Variants in ADAMTS9 observed in about 807,000 individuals in gnomAD.
ADAMTS9 encodes the protein A disintegrin and metalloproteinase with thrombospondin motifs 9.
ADAMTS9 carries 107 observed loss-of-function variants against 257.1 expected under a neutral mutation model. The observed-to-expected ratio is 0.42, with a 90% CI of 0.36 to 0.49. The LOEUF is 0.49. Ranked by LOEUF, ADAMTS9 falls within the 20% of genes least tolerant of loss-of-function variation. The pLI is 0.03. For missense variants in ADAMTS9, 2,353 were observed against 2,469.1 expected, an observed-to-expected ratio of 0.95 and a Z score of 1.00; for synonymous variants, 982 against 880.9, an observed-to-expected ratio of 1.11 and a Z score of -2.03.
Position 64,661,040 on chromosome 3 carries a change from C to T in ADAMTS9, c.680-2249G>A, listed in dbSNP as rs557311351. ...CAGAAACTTTCTGGCTGATGGCAAT[C>T]AGATTGGTACTATGTGTGGTTTTAG... On this transcript the variant is annotated intron_variant, in intron 3 of 39. Transcript: ENST00000498707. Among the ~76,000 whole-genome samples, 8 of 152,274 alleles carry T rather than the reference C, an allele frequency of 5.3e-5. No homozygotes were observed. The South Asian group carries it at 1.7e-3, about 32-fold the overall frequency.
intron 12 of ADAMTS9, among the ~76,000 whole-genome samples, chr3:64,638,427 C>A (rs987026641): frequency 6.6e-6 from 1 of 152,124 alleles, no homozygotes; most frequent in Non-Finnish European, 1.5e-5. Context: ...TACTCTATTA[C>A]ACACGTCTTA....
Position 64,574,038 on chromosome 3 carries a change from T to C in ADAMTS9, c.4357-5503A>G, listed in dbSNP as rs2083766886. On this transcript the variant is annotated intron_variant, in intron 28 of 39. Coordinates refer to ENST00000498707, the MANE Select transcript of ADAMTS9 (RefSeq NM_182920.2). ...ATATTTATGGAAATGAATGAACATA[T>C]GAAAACTATAGCCATCACAGAGGTG... Among the ~76,000 whole-genome samples, 7 of 152,208 alleles carry C rather than the reference T, an allele frequency of 4.6e-5. No homozygotes were observed. In the South Asian group the frequency reaches 1.4e-3, roughly 31 times the overall value.
Position 64,529,899 on chromosome 3 carries a change from G to A in ADAMTS9, c.5718+3267C>T, listed in dbSNP as rs145315135. The stretch of plus-strand genomic sequence containing the variant: ...AGTGGTACAATAATGGCTCATTGCA[G>A]CCTTGACCACCCAGGCTCATCCTCA... On this transcript the variant is annotated intron_variant, in intron 38 of 39. Coordinates refer to ENST00000498707, the MANE Select transcript of ADAMTS9 (RefSeq NM_182920.2). Among the ~76,000 whole-genome samples, 264 of 151,876 alleles carry A rather than the reference G, an allele frequency of 1.7e-3. 1 individual carries two copies. The highest frequency in any genetic ancestry group is 6.1e-3 in the African/African-American group (251 of 41,388).
intron 30 of ADAMTS9, among the ~76,000 whole-genome samples, chr3:64,555,826 G>A (rs2083326135): frequency 6.6e-6 from 1 of 152,108 alleles, no homozygotes. Flanking sequence ...GGAGAAGCGG[G>A]GGAGCAGAAT....
intron 9 of ADAMTS9, 105 bp downstream of exon 9, chr3:64,650,912 T>C (rs1700915956): frequency 2.1e-6 from 2 of 974,918 alleles, no homozygotes; most frequent in Non-Finnish European, 1.4e-6. Flanking sequence ...TCAACAAAAA[T>C]AACTCAAAAG....
At chr3:64,542,134 G>A (rs1038094467) in intron 32 of ADAMTS9, among the ~76,000 whole-genome samples, 164 bp from the exon 33 acceptor site, 1 of 152,068 alleles carries the variant, frequency 6.6e-6, no homozygotes, top group Non-Finnish European at 1.5e-5. Context: ...CTTACTATGG[G>A]CCAGTCCCTG....
chr3:64,609,176 T>C (rs1160544801), intron 22 of ADAMTS9, among the ~76,000 whole-genome samples: 3 of 152,062 alleles, frequency 2.0e-5, no homozygotes, highest in Admixed American at 6.6e-5. Context: ...TACTCAATAG[T>C]AGAAGAGTAA....
intron 16 of ADAMTS9, among the ~76,000 whole-genome samples, chr3:64,628,407 C>G (rs1700280322): frequency 6.6e-6 from 1 of 152,136 alleles, no homozygotes; most frequent in Non-Finnish European, 1.5e-5. Context: ...AGGAGCAACT[C>G]AACATGGCCT....
At position 64,686,630 on chromosome 3, in the gene ADAMTS9, A is replaced by T; in HGVS notation, c.454T>A (p.Tyr152Asn). The change falls in exon 2 of 40, where the codon TAC (tyrosine) becomes AAC (asparagine). Residue 152 changes from tyrosine to asparagine, a missense_variant. This residue lies in a region of ADAMTS9 where 591 missense variants were observed against 569.6 expected (regional missense o/e 1.04). Coordinates refer to ENST00000498707, the MANE Select transcript of ADAMTS9 (RefSeq NM_182920.2). The surrounding 1 kb of genome is among the most constrained non-coding windows in gnomAD (Gnocchi z 4.6). ...EEEAELKHCF[Y>N]KGYVNTNSEH... The stretch of plus-strand genomic sequence containing the variant: ...GAGTTGGTATTGACATAGCCTTTGT[A>T]GAAACAGTGCTTGAGTTCCGCTTCC... 1.2e-6 allele frequency: 2 copies of T among 1,614,076 alleles called. No homozygotes were observed. The highest frequency in any genetic ancestry group is 1.7e-6 in the Non-Finnish European group (2 of 1,180,026).
At chr3:64,641,269 T>TTTTTG (rs772371844) in intron 12 of ADAMTS9, among the ~76,000 whole-genome samples, 1 of 151,968 alleles carries the variant, frequency 6.6e-6, no homozygotes, top group Admixed American at 6.6e-5. Flanking sequence ...GCCTGCTTTT[T>TTTTTG]TTTTGTTTTG....
chr3:64,610,324 G>A (rs1693618848), intron 22 of ADAMTS9, among the ~76,000 whole-genome samples: 1 of 152,062 alleles, frequency 6.6e-6, no homozygotes, highest in Non-Finnish European at 1.5e-5. Flanking sequence ...GCAACACAGG[G>A]GATGGGGGAA....
chr3:64,526,147 A>G (rs1211032664), intron 38 of ADAMTS9, among the ~76,000 whole-genome samples: 2 of 142,512 alleles, frequency 1.4e-5, no homozygotes, highest in African/African-American at 4.9e-5. Context: ...CAATAATTGT[A>G]TATTTCAAAA....
chr3:64,603,265 C>T (rs982767388), intron 25 of ADAMTS9, among the ~76,000 whole-genome samples: 3 of 152,194 alleles, frequency 2.0e-5, no homozygotes, highest in African/African-American at 7.2e-5. Flanking sequence ...CATTGCACCT[C>T]TCAAATTTCT....
intron 22 of ADAMTS9, among the ~76,000 whole-genome samples, chr3:64,612,433 A>T (rs72890811): frequency 0.03 from 4,560 of 152,304 alleles, 217 homozygotes; most frequent in African/African-American, 0.1. Context: ...CATGATTGGC[A>T]ATTTGGACTG....
At position 64,633,882 on chromosome 3, in the gene ADAMTS9, G is replaced by A; in HGVS notation, c.1857-3C>T. 6.2e-7 allele frequency: 1 copy of A among 1,603,568 alleles called. No individual in the cohort carries two copies. The highest frequency in any genetic ancestry group is 1.1e-5 in the South Asian group (1 of 89,028). On this transcript the variant is annotated splice_region_variant and splice_polypyrimidine_tract_variant and intron_variant, in intron 12 of 39. Coordinates refer to ENST00000498707, the MANE Select transcript of ADAMTS9 (RefSeq NM_182920.2). Reference sequence around the variant, plus strand: ...AGTATTTTCCACCATTTTTTGGTCTGAAAAAGAAAAAATGTGAAGAGCACA... The same window carrying A: ...AGTATTTTCCACCATTTTTTGGTCTAAAAAAGAAAAAATGTGAAGAGCACA...
intron 39 of ADAMTS9, among the ~76,000 whole-genome samples, 196 bp downstream of exon 39, chr3:64,521,970 C>G (rs994144267): frequency 6.6e-6 from 1 of 152,160 alleles, no homozygotes; most frequent in African/African-American, 2.4e-5. Context: ...AGAGGGGAAG[C>G]CATGTCTAAT....
chr3:64,675,651 A>G (rs978144746), intron 3 of ADAMTS9, among the ~76,000 whole-genome samples: 9 of 152,130 alleles, frequency 5.9e-5, no homozygotes, highest in African/African-American at 1.9e-4. Context: ...AGGAGTTTCT[A>G]TATAGCAGTT....
At chr3:64,581,852 A>C (rs781431548) in intron 28 of ADAMTS9, among the ~76,000 whole-genome samples, 11 of 152,138 alleles carry the variant, frequency 7.2e-5, no homozygotes, top group Non-Finnish European at 2.9e-5. Context: ...GGGAAAATCC[A>C]ATGTTTCATT....
At chr3:64,594,970 G>A (rs2084337259) in intron 27 of ADAMTS9, among the ~76,000 whole-genome samples, 1 of 151,892 alleles carries the variant, frequency 6.6e-6, no homozygotes, top group African/African-American at 2.4e-5. Context: ...TGTATTTTTA[G>A]TAGAGATGGG....
Sources: allele counts gnomAD v4.1 joint callset (sites outside exome capture counted in the v4.1 genomes callset), GRCh38; gene constraint gnomAD v4.1.1; regional missense constraint gnomAD v4.1.1; non-coding constraint Gnocchi (gnomAD v3.1); transcripts MANE v1.5; gene names NCBI Gene and HGNC (gene_info 2026-07-23, HGNC 2026-07-21).